Variants in CNST observed in about 807,000 individuals in gnomAD.
CNST encodes consortin.
Under a neutral mutation model 72.4 loss-of-function variants are expected in CNST, and 39 were observed. The observed-to-expected ratio is 0.54, with a 90% CI of 0.42 to 0.70. The LOEUF (loss-of-function observed/expected upper bound fraction) is 0.70. CNST is among the 30% of genes least tolerant of loss of function. CNST has a pLI of 0.00. For missense variants in CNST, 871 were observed against 868.5 expected, an observed-to-expected ratio of 1.00 and a Z score of -0.04; for synonymous variants, 332 against 320.1, an observed-to-expected ratio of 1.04 and a Z score of -0.40.
chr1:246,626,885 T>C (rs1219667881), intron 3 of CNST, among the ~76,000 whole-genome samples: 1 of 152,174 alleles, frequency 6.6e-6, no homozygotes, highest in Admixed American at 6.5e-5. Flanking sequence ...TTCCTAGTCT[T>C]ACCTCTCTTG....
intron 1 of CNST, among the ~76,000 whole-genome samples, chr1:246,576,580 C>T (rs900041826): frequency 6.6e-6 from 1 of 151,384 alleles, no homozygotes; most frequent in African/African-American, 2.4e-5. Context: ...ACTGGAACCT[C>T]TGCCTCCCAG....
At chr1:246,571,010 A>C (rs182639086) in intron 1 of CNST, among the ~76,000 whole-genome samples, 1 of 152,312 alleles carries the variant, frequency 6.6e-6, no homozygotes, top group East Asian at 1.9e-4. Context: ...TGTAGGAATC[A>C]TTCTCATGGG....
At chr1:246,637,328 C>CA (rs1479060880) in intron 6 of CNST, among the ~76,000 whole-genome samples, 7 of 152,176 alleles carry the variant, frequency 4.6e-5, no homozygotes, top group Admixed American at 3.3e-4. Flanking sequence ...GGCCAATAAA[C>CA]ACGTCTGTGC....
At chr1:246,652,929 G>A (rs1027017242) in intron 9 of CNST, among the ~76,000 whole-genome samples, 8 of 150,932 alleles carry the variant, frequency 5.3e-5, no homozygotes, top group African/African-American at 9.7e-5. Context: ...GCGTGAACCT[G>A]GGAGGCGGAG....
At chr1:246,663,899 C>T (rs1163713135) in intron 10 of CNST, among the ~76,000 whole-genome samples, 1 of 151,930 alleles carries the variant, frequency 6.6e-6, no homozygotes, top group Non-Finnish European at 1.5e-5. Flanking sequence ...TATGATTGGG[C>T]GGGAGAAAAA....
intron 4 of CNST, 38 bp from the exon 5 acceptor site, chr1:246,633,886 T>C (rs1664957592): frequency 1.5e-6 from 2 of 1,332,112 alleles, no homozygotes; most frequent in South Asian, 1.2e-5. Flanking sequence ...ATAATGTAAA[T>C]AGTGTGGATT....
In CNST at chr1:246,582,157, C is replaced by T. The variant is rs533083423; in HGVS notation, c.-51-9355C>T. On this transcript the variant is annotated intron_variant, in intron 1 of 10. Transcript: ENST00000366513. ...TTATCAGATTTACTGGCCCTTCACA[C>T]AAATCAAAAAACGAAGTTAAACACG... is the stretch of plus-strand genomic sequence containing the variant. Among the ~76,000 whole-genome samples, 395 of 152,222 alleles carry T rather than the reference C, an allele frequency of 2.6e-3. 2 individuals are homozygous for T. Among genetic ancestry groups the T allele is most frequent in the African/African-American group, 9.1e-3 (380 of 41,538 alleles).
At chr1:246,658,795 C>T (rs1666905433) in intron 9 of CNST, among the ~76,000 whole-genome samples, 2 of 152,206 alleles carry the variant, frequency 1.3e-5, no homozygotes, top group African/African-American at 4.8e-5. Context: ...CAGTGCCTGC[C>T]TGTGTCATCA....
intron 8 of CNST, among the ~76,000 whole-genome samples, chr1:246,643,898 C>A (rs1456359560): frequency 6.6e-6 from 1 of 152,132 alleles, no homozygotes; most frequent in South Asian, 2.1e-4. Flanking sequence ...TGGGATGAAG[C>A]AACCATTTTC....
intron 1 of CNST, among the ~76,000 whole-genome samples, chr1:246,575,971 A>G (rs1481755537): frequency 6.6e-6 from 1 of 150,840 alleles, no homozygotes; most frequent in African/African-American, 2.4e-5. Flanking sequence ...CGCGCCTGTA[A>G]CGCCTGTAAT....
intron 2 of CNST, among the ~76,000 whole-genome samples, chr1:246,612,425 A>C (rs1214259143): frequency 6.6e-6 from 1 of 151,386 alleles, no homozygotes; most frequent in Non-Finnish European, 1.5e-5. Context: ...CTGGTCTCGA[A>C]CTCCTGACCT....
chr1:246,568,172 A>G (rs1659843249), intron 1 of CNST, among the ~76,000 whole-genome samples: 1 of 152,310 alleles, frequency 6.6e-6, no homozygotes, highest in South Asian at 2.1e-4. Context: ...AAAGAAAAAT[A>G]AACACATTGT....
chr1:246,644,139 G>T (rs1020000497), intron 8 of CNST, among the ~76,000 whole-genome samples: 2 of 152,146 alleles, frequency 1.3e-5, no homozygotes, highest in Non-Finnish European at 2.9e-5. Flanking sequence ...GATGGCTCAT[G>T]CCTGTAATCC....
intron 1 of CNST, among the ~76,000 whole-genome samples, chr1:246,574,329 C>T (rs369864637): frequency 2.0e-5 from 3 of 152,228 alleles, no homozygotes; most frequent in East Asian, 3.9e-4. Flanking sequence ...GCGTGAGCCA[C>T]CGCTCCCAGC....
chr1:246,657,738 A>G lies in CNST; in HGVS notation c.1837-2461A>G, dbSNP rs1351399068. Among the ~76,000 whole-genome samples, 4 of 152,192 alleles carry G rather than the reference A, an allele frequency of 2.6e-5. 1 individual carries two copies. ...GAGCAGGAGCTAAGGCAGGGACCTCACAGCCGCTGCACTAGGACCAGCTCT... is the reference window on the plus strand; with the variant it reads ...GAGCAGGAGCTAAGGCAGGGACCTCGCAGCCGCTGCACTAGGACCAGCTCT... On this transcript the variant is annotated intron_variant, in intron 9 of 10. Transcript: ENST00000366513.
At chr1:246,629,985 G>A (rs148278279) in intron 3 of CNST, among the ~76,000 whole-genome samples, 1 of 152,318 alleles carries the variant, frequency 6.6e-6, no homozygotes, top group African/African-American at 2.4e-5. Context: ...GCCTGCTTCG[G>A]TCTCTCAAAG....
chr1:246,661,659 T>C (rs1350660730), intron 10 of CNST, among the ~76,000 whole-genome samples: 1 of 152,232 alleles, frequency 6.6e-6, no homozygotes, highest in Non-Finnish European at 1.5e-5. Context: ...GTTGCAAATA[T>C]GTTTATCTAA....
At chr1:246,580,043 G>A (rs1304736354) in intron 1 of CNST, among the ~76,000 whole-genome samples, 1 of 152,134 alleles carries the variant, frequency 6.6e-6, no homozygotes. Flanking sequence ...TTACTGCTCT[G>A]TCTTATCTCT....
At chr1:246,643,878 T>C (rs1454785605) in intron 8 of CNST, among the ~76,000 whole-genome samples, 1 of 152,206 alleles carries the variant, frequency 6.6e-6, no homozygotes, top group Non-Finnish European at 1.5e-5. Flanking sequence ...TCTGTAGTAT[T>C]TCTAAATAAT....
Sources: allele counts gnomAD v4.1 joint callset (sites outside exome capture counted in the v4.1 genomes callset), GRCh38; gene constraint gnomAD v4.1.1; transcripts MANE v1.5; gene names NCBI Gene and HGNC (gene_info 2026-07-23, HGNC 2026-07-21).